ABLIM1: variants seen among roughly 807,000 people sequenced by gnomAD.
The protein encoded by ABLIM1 is actin-binding LIM protein 1.
In ABLIM1, 40 loss-of-function variants were observed where a neutral mutation model predicts 107.0. The observed-to-expected ratio is 0.37, with a 90% CI of 0.29 to 0.49. ABLIM1 has a LOEUF of 0.49. ABLIM1 is among the 20% of genes least tolerant of loss of function. The probability of loss-of-function intolerance (pLI) is 0.97; values close to 1 mark genes in which losing one functional copy is unlikely to be tolerated. For synonymous variants in ABLIM1, 357 were observed against 357.3 expected, an observed-to-expected ratio of 1.00 and a Z score of 0.01; for missense variants, 857 against 1,008.5, an observed-to-expected ratio of 0.85 and a Z score of 2.04.
intron 1 of ABLIM1, among the ~76,000 whole-genome samples, chr10:114,669,611 C>A (rs1462304104): frequency 1.3e-5 from 2 of 152,154 alleles, no homozygotes; most frequent in Non-Finnish European, 2.9e-5. Flanking sequence ...TGTGCACAGC[C>A]CTGCAATAGG....
intron 6 of ABLIM1, among the ~76,000 whole-genome samples, chr10:114,530,813 C>G (rs202159872): frequency 6.6e-6 from 1 of 152,114 alleles, no homozygotes; most frequent in African/African-American, 2.4e-5. Context: ...GGATTATAGG[C>G]GTGAGCCACC....
intron 12 of ABLIM1, among the ~76,000 whole-genome samples, chr10:114,464,663 T>C (rs1001342788): frequency 1.3e-5 from 2 of 152,360 alleles, no homozygotes; most frequent in Non-Finnish European, 2.9e-5. Flanking sequence ...GAGAAAATTA[T>C]ACATTATCAA....
rs183286885 is a variant in ABLIM1 at position 114,604,219 on chromosome 10, G to A, written c.245-2258C>T. On this transcript the variant is annotated intron_variant, in intron 1 of 22. Transcript: ENST00000533213. Reference sequence around the variant, plus strand: ...CCGCAGAGCTGAACAACCTGCCCAAGAAGCAGAGGAAGCTGAAAGATCCAC... The same window carrying A: ...CCGCAGAGCTGAACAACCTGCCCAAAAAGCAGAGGAAGCTGAAAGATCCAC... Among the ~76,000 whole-genome samples the A allele has an allele frequency of 9.2e-4, 140 of 152,326 alleles. 1 individual carries two copies. Among genetic ancestry groups the A allele is most frequent in the Non-Finnish European group, 1.4e-3 (96 of 68,028 alleles).
intron 1 of ABLIM1, among the ~76,000 whole-genome samples, chr10:114,678,450 CTCTT>C (rs767652462): frequency 9.2e-5 from 14 of 152,222 alleles, no homozygotes; most frequent in Non-Finnish European, 7.3e-5. Flanking sequence ...CCACAGCTGA[CTCTT>C]TCTTATTTCT....
intron 1 of ABLIM1, among the ~76,000 whole-genome samples, chr10:114,603,426 G>C (rs1163973813): frequency 1.3e-5 from 2 of 152,100 alleles, no homozygotes; most frequent in Admixed American, 1.3e-4. Context: ...CTCTGCAAGG[G>C]ACCCTGGGAA....
chr10:114,681,688 G>C (rs1366838763), intron 1 of ABLIM1, among the ~76,000 whole-genome samples: 1 of 152,234 alleles, frequency 6.6e-6, no homozygotes, highest in Non-Finnish European at 1.5e-5. Flanking sequence ...TAGCAGGCTT[G>C]GGGAGTTCCT....
chr10:114,510,859 C>G (rs1045233642), intron 6 of ABLIM1, among the ~76,000 whole-genome samples: 1 of 151,798 alleles, frequency 6.6e-6, no homozygotes, highest in Non-Finnish European at 1.5e-5. Flanking sequence ...ACCATGTTGC[C>G]CAGGCTGGTC....
At position 114,707,674 on chromosome 10, in the gene ABLIM1, C is replaced by T. The variant is rs946324718; in HGVS notation, c.-213+60387G>A. Reference sequence around the variant, plus strand: ...CAACACTTTGGGAGGCCGTGGTGGGCGGATCACTTAAGGCCAGGAGTTCGA... The same window carrying T: ...CAACACTTTGGGAGGCCGTGGTGGGTGGATCACTTAAGGCCAGGAGTTCGA... On this transcript the variant is annotated intron_variant, in intron 1 of 15. Transcript: ENST00000651092. The surrounding 1 kb of genome is among the most constrained non-coding windows in gnomAD (Gnocchi z 4.1). Among the ~76,000 whole-genome samples, 4 of 151,990 alleles carry T rather than the reference C, an allele frequency of 2.6e-5. No homozygotes were observed. Among genetic ancestry groups the T allele is most frequent in the African/African-American group, 9.7e-5 (4 of 41,394 alleles).
chr10:114,473,222 G>A, intron 9 of ABLIM1, 90 bp from the exon 10 acceptor site: 2 of 1,365,138 alleles, frequency 1.5e-6, no homozygotes, highest in Non-Finnish European at 9.9e-7. Context: ...TTTAAAAAGT[G>A]AAGGCCTTAA....
intron 1 of ABLIM1, among the ~76,000 whole-genome samples, chr10:114,709,592 CA>C (rs1341990842): frequency 6.6e-6 from 1 of 151,946 alleles, no homozygotes; most frequent in African/African-American, 2.4e-5. Flanking sequence ...AACCAGCTAC[CA>C]AAAATAAAAG....
intron 18 of ABLIM1, among the ~76,000 whole-genome samples, chr10:114,441,473 A>T (rs1194624094): frequency 6.6e-6 from 1 of 152,158 alleles, no homozygotes; most frequent in African/African-American, 2.4e-5. Flanking sequence ...ACAGTTTTGC[A>T]ATTTAGTTTT....
At chr10:114,665,786 C>T (rs1346291284) in intron 1 of ABLIM1, among the ~76,000 whole-genome samples, 1 of 152,124 alleles carries the variant, frequency 6.6e-6, no homozygotes, top group Non-Finnish European at 1.5e-5. Flanking sequence ...AGATGGAGCC[C>T]CCACATCTCA....
chr10:114,765,843 G>A (rs2082879464), intron 1 of ABLIM1, among the ~76,000 whole-genome samples: 3 of 152,104 alleles, frequency 2.0e-5, no homozygotes, highest in Non-Finnish European at 4.4e-5. Context: ...TCTAGTATCA[G>A]CGGCCTTGTT....
In ABLIM1 at chr10:114,682,170, G is replaced by C. The variant is rs554478684; in HGVS notation, c.64+2120C>G. Among the ~76,000 whole-genome samples the C allele has an allele frequency of 5.8e-4, 88 of 152,188 alleles. 2 individuals carry two copies. In the South Asian group the frequency reaches 0.017, roughly 30 times the overall value. ...AGTCAGATTTTAATATAAAATTAAC[G>C]GCTGACTATCTCAAAGTCCTAAATT... On this transcript the variant is annotated intron_variant, in intron 1 of 23. Transcript: ENST00000369256.
rs574343952 is a variant in ABLIM1 at position 114,619,268 on chromosome 10, C to T, written c.245-17307G>A. Among the ~76,000 whole-genome samples the T allele has an allele frequency of 2.6e-5, 4 of 151,140 alleles. No individual in the cohort carries two copies. In the South Asian group the frequency reaches 8.4e-4, roughly 32 times the overall value. ...CTGGAGCGCAGTGGCACGATCTTAG[C>T]TCACTGCAACGTCCACCTCCCAGGT... On this transcript the variant is annotated intron_variant, in intron 1 of 22. Transcript: ENST00000533213. The surrounding 1 kb of genome is among the most constrained non-coding windows in gnomAD (Gnocchi z 4.1).
chr10:114,690,183 C>A, intron 1 of ABLIM1: 1 of 1,393,636 alleles, frequency 7.2e-7, no homozygotes, highest in East Asian at 2.3e-5. Context: ...GATTTTCTTG[C>A]TGGTCTTTCC....
At chr10:114,699,188 A>G (rs988480754) in intron 1 of ABLIM1, among the ~76,000 whole-genome samples, 1 of 150,794 alleles carries the variant, frequency 6.6e-6, no homozygotes, top group African/African-American at 2.5e-5. Context: ...AATATGAAGC[A>G]AACTAAAGAG....
chr10:114,474,836 G>T lies in ABLIM1; in HGVS notation c.1042-880C>A, dbSNP rs189764945. Among the ~76,000 whole-genome samples, 6 of 152,184 alleles carry T rather than the reference G, an allele frequency of 3.9e-5. No individual in the cohort carries two copies. In the East Asian group the frequency reaches 1.2e-3, roughly 29 times the overall value. ...CCAGGTGGAGATAATTGAATCATGG[G>T]GCAGTTTCCCCCATACTATTCTTGT... On this transcript the variant is annotated intron_variant, in intron 8 of 22. Transcript: ENST00000533213.
At chr10:114,558,765 T>C (rs965815495) in intron 4 of ABLIM1, among the ~76,000 whole-genome samples, 1 of 152,104 alleles carries the variant, frequency 6.6e-6, no homozygotes, top group Non-Finnish European at 1.5e-5. Flanking sequence ...GAACAATAAA[T>C]AGAAATAGTA....
Sources: gnomAD v4.1 joint callset for allele counts (sites outside exome capture counted in the v4.1 genomes callset) on GRCh38, gnomAD v4.1.1 for gene constraint, Gnocchi (gnomAD v3.1) non-coding constraint, MANE v1.5 for transcripts, NCBI Gene and HGNC (gene_info 2026-07-23, HGNC 2026-07-21) for gene names.